HSPG2: variants seen among roughly 807,000 people sequenced by gnomAD.
The protein encoded by HSPG2 is basement membrane-specific heparan sulfate proteoglycan core protein.
Under a neutral mutation model 526.6 loss-of-function variants are expected in HSPG2, and 278 were observed. That is an observed-to-expected ratio of 0.53 (90% CI 0.48 to 0.58). The LOEUF is 0.58. HSPG2 is among the 20% of genes least tolerant of loss of function. The probability of loss-of-function intolerance (pLI) is 0.00; values close to 1 mark genes in which losing one functional copy is unlikely to be tolerated. For synonymous variants in HSPG2, 2,465 were observed against 2,555.4 expected, an observed-to-expected ratio of 0.96 and a Z score of 1.07; for missense variants, 5,354 against 6,099.5, an observed-to-expected ratio of 0.88 and a Z score of 4.07.
intron 37 of HSPG2, 73 bp from the exon 38 acceptor site, chr1:21,862,188 C>T: frequency 6.5e-7 from 1 of 1,550,180 alleles, no homozygotes; most frequent in Admixed American, 1.7e-5. Flanking sequence ...GTTGCAATCC[C>T]TTGATCTAGA....
At chr1:21,933,064 A>T (rs1644386043) in intron 1 of HSPG2, among the ~76,000 whole-genome samples, 2 of 151,988 alleles carry the variant, frequency 1.3e-5, no homozygotes, top group South Asian at 4.1e-4. Flanking sequence ...TATAAAAAAT[A>T]CAAAAATTAG....
In HSPG2 at chr1:21,875,898, C is replaced by CG; in HGVS notation, c.3147dup (p.Gly1050ArgfsTer50). 1 of 1,614,100 alleles carries CG rather than the reference C, an allele frequency of 6.2e-7. No individual in the cohort carries two copies. The highest frequency in any genetic ancestry group is 8.5e-7 in the Non-Finnish European group (1 of 1,180,032). ...GGCACAATGAAGGTGCTGGGCTGGC[C>CG]GGGGCTGGGCTCCTGGGCCACATGG... On this transcript the variant is annotated frameshift_variant, in exon 24 of 97. Coordinates refer to ENST00000374695, the MANE Select transcript of HSPG2 (RefSeq NM_005529.7). LOFTEE classifies it high-confidence loss of function.
chr1:21,884,248 G>C (rs1397354942), intron 13 of HSPG2, among the ~76,000 whole-genome samples: 1 of 152,172 alleles, frequency 6.6e-6, no homozygotes, highest in Non-Finnish European at 1.5e-5. Context: ...CAGGACACAG[G>C]TGGACAGCGT....
At position 21,828,208 on chromosome 1, in the gene HSPG2, G is replaced by A. The variant is rs1400030358; in HGVS notation, c.12409+47C>T. ...GTGGGCATGGGCTGGAGGTGTCGCTGACCACCTGTGCCCCTCCCCTCCGGT... is the reference window on the plus strand; with the variant it reads ...GTGGGCATGGGCTGGAGGTGTCGCTAACCACCTGTGCCCCTCCCCTCCGGT... On this transcript the variant is annotated intron_variant, in intron 89 of 96. Transcript: ENST00000374695. The surrounding 1 kb of genome is among the most constrained non-coding windows in gnomAD (Gnocchi z 6.0). 6.2e-7 allele frequency: 1 copy of A among 1,612,854 alleles called. No individual in the cohort carries two copies. Among genetic ancestry groups the A allele is most frequent in the Non-Finnish European group, 8.5e-7 (1 of 1,179,872 alleles).
chr1:21,842,983 G>C (rs1454373440), intron 66 of HSPG2, 62 bp from the exon 67 acceptor site: 1 of 1,588,514 alleles, frequency 6.3e-7, no homozygotes, highest in African/African-American at 1.3e-5. Flanking sequence ...GGGGCTGAAG[G>C]TGGTGGCAGT....
At chr1:21,846,052 G>T (rs1372778283) in intron 64 of HSPG2, 56 bp downstream of exon 64, 1 of 1,595,504 alleles carries the variant, frequency 6.3e-7, no homozygotes. Context: ...CTGCCCCCTG[G>T]TCTCTGTCCC....
At position 21,873,400 on chromosome 1, in the gene HSPG2, G is replaced by T; in HGVS notation, c.3768C>A (p.Asn1256Lys). Residue 1256 changes from asparagine to lysine, a missense_variant, in exon 30 of 97, where the codon AAC (asparagine) becomes AAA (lysine). Asn to Lys is a moderately conservative substitution (Grantham distance 94). Coordinates refer to ENST00000374695, the MANE Select transcript of HSPG2 (RefSeq NM_005529.7). The stretch of plus-strand genomic sequence containing the variant: ...TCTGGCATGGCTGGCCCTGGCTGGG[G>T]TTGCCATAGTAGCCAGGGGCGCACC... ...CERCAPGYYG[N>K]PSQGQPCQRD... 1 of 1,614,160 alleles carries T rather than the reference G, an allele frequency of 6.2e-7. No individual in the cohort carries two copies. Among genetic ancestry groups the T allele is most frequent in the Non-Finnish European group, 8.5e-7 (1 of 1,180,032 alleles).
chr1:21,826,942 C>T (rs186668410), intron 91 of HSPG2, among the ~76,000 whole-genome samples: 43 of 152,198 alleles, frequency 2.8e-4, no homozygotes, highest in African/African-American at 7.5e-4. Flanking sequence ...AGGACGGTGG[C>T]TTACGCCTGT....
At chr1:21,866,369 T>G (rs902154972) in intron 33 of HSPG2, among the ~76,000 whole-genome samples, 3 of 152,120 alleles carry the variant, frequency 2.0e-5, no homozygotes, top group African/African-American at 7.2e-5. Flanking sequence ...TCCTCCTCTA[T>G]AGTGGAGACA....
chr1:21,920,886 T>C (rs1220749850), intron 1 of HSPG2, among the ~76,000 whole-genome samples: 1 of 152,112 alleles, frequency 6.6e-6, no homozygotes, highest in Non-Finnish European at 1.5e-5. Context: ...CTCTTCATCC[T>C]TCCAGCCCTT....
At position 21,829,414 on chromosome 1, in the gene HSPG2, G is replaced by C. The variant is rs1156822635; in HGVS notation, c.11961C>G (p.Gly3987=). The C allele has an allele frequency of 6.2e-7, 1 of 1,613,336 alleles. No homozygotes were observed. The highest frequency in any genetic ancestry group is 2.2e-5 in the East Asian group (1 of 44,878). The change falls in exon 87 of 97, where the codon GGC becomes GGG. Residue 3987 remains glycine, a synonymous_variant. Coordinates refer to ENST00000374695, the MANE Select transcript of HSPG2 (RefSeq NM_005529.7). The part of the protein sequence containing the change: ...EDFVSLAMVG[G]HLEFRYELGS... ...CCAACTCATAGCGGAACTCCAGGTGGCCGCCCACCATCGCCAGGGACACGA... is the reference window on the plus strand; with the variant it reads ...CCAACTCATAGCGGAACTCCAGGTGCCCGCCCACCATCGCCAGGGACACGA...
chr1:21,863,460 G>A (rs1407338368), intron 37 of HSPG2, among the ~76,000 whole-genome samples: 4 of 152,094 alleles, frequency 2.6e-5, no homozygotes, highest in South Asian at 2.1e-4. Flanking sequence ...AGAGATTCAC[G>A]TTTGTGGTAT....
rs771560721 is a variant in HSPG2, at chr1:21,876,346, G to A, written c.2886C>T (p.His962=). Residue 962 remains histidine, a synonymous_variant, in exon 23 of 97, where the codon CAC becomes CAT. Transcript: ENST00000374695. Reference sequence around the variant, plus strand: ...GGGAGAAGATGCCCTCGTTGGTGGTGTGGGTGCTTGCGGCGTTGGTCAGGC... The same window carrying A: ...GGGAGAAGATGCCCTCGTTGGTGGTATGGGTGCTTGCGGCGTTGGTCAGGC... ...HFSLTNAAST[H]TTNEGIFSPT... is the part of the protein sequence containing the mutation. 2.0e-5 allele frequency: 32 copies of A among 1,613,670 alleles called. No homozygotes were observed. In the Middle Eastern group the frequency reaches 4.9e-4, roughly 25 times the overall value.
chr1:21,855,108 A>G, intron 47 of HSPG2, 125 bp from the exon 48 acceptor site: 1 of 1,386,806 alleles, frequency 7.2e-7, no homozygotes, highest in Non-Finnish European at 9.9e-7. Context: ...TGGGGCATGA[A>G]GGAGGACAAA....
chr1:21,850,304 A>C (rs752756566), intron 56 of HSPG2, 59 bp downstream of exon 56: 91 of 1,606,712 alleles, frequency 5.7e-5, no homozygotes, highest in Admixed American at 3.9e-4. Flanking sequence ...CTGCCGTTGC[A>C]AGAGTGGGGG....
intron 44 of HSPG2, 32 bp downstream of exon 44, chr1:21,856,983 A>C (rs200354565): frequency 6.2e-7 from 1 of 1,604,590 alleles, no homozygotes; most frequent in Non-Finnish European, 8.5e-7. Context: ...GAGAGACAGG[A>C]GGGGAGAATC....
Position 21,875,730 on chromosome 1 carries a change from G to A in HSPG2, c.3201C>T (p.Pro1067=). 2 of 1,605,126 alleles carry A rather than the reference G, an allele frequency of 1.2e-6. No homozygotes were observed. Among genetic ancestry groups the A allele is most frequent in the Non-Finnish European group, 8.5e-7 (1 of 1,179,946 alleles). The part of the protein sequence containing the change: ...VPFREQAWQR[P]DGQPATREHL... ...GCTCCCGTGTGGCTGGCTGCCCATC[G>A]GGCCGCTGCCATGCTTGCTGCCAAG... The change falls in exon 25 of 97, where the codon CCC becomes CCT. Residue 1067 remains proline (P), a synonymous_variant. Coordinates refer to ENST00000374695, the MANE Select transcript of HSPG2 (RefSeq NM_005529.7).
chr1:21,934,919 T>C (rs1424183752), intron 1 of HSPG2, among the ~76,000 whole-genome samples: 1 of 147,968 alleles, frequency 6.8e-6, no homozygotes, highest in African/African-American at 2.5e-5. Context: ...ATTGTTTGTT[T>C]GTTTTGAGGC....
At chr1:21,912,402 C>G (rs1643725766) in intron 1 of HSPG2, among the ~76,000 whole-genome samples, 1 of 152,140 alleles carries the variant, frequency 6.6e-6, no homozygotes, top group African/African-American at 2.4e-5. Flanking sequence ...AGTGAGCTCT[C>G]CAAAGACCCC....
Sources: allele counts gnomAD v4.1 joint callset (sites outside exome capture counted in the v4.1 genomes callset), GRCh38; gene constraint gnomAD v4.1.1; non-coding constraint Gnocchi (gnomAD v3.1); transcripts MANE v1.5; gene names NCBI Gene and HGNC (gene_info 2026-07-23, HGNC 2026-07-21).